ADAMTS6: variants seen among roughly 807,000 people sequenced by gnomAD.
The protein encoded by ADAMTS6 is A disintegrin and metalloproteinase with thrombospondin motifs 6.
A neutral mutation model predicts 144.3 loss-of-function variants in ADAMTS6; 23 were observed. The ratio of observed to expected loss-of-function variants is 0.16; its 90% CI spans 0.11 to 0.23. ADAMTS6 has a LOEUF of 0.23. Among genes scored for constraint, ADAMTS6 ranks in the 10% least tolerant of loss-of-function variants. The probability of loss-of-function intolerance (pLI) is 1.00; values close to 1 mark genes in which losing one functional copy is unlikely to be tolerated. For missense variants in ADAMTS6, 999 were observed against 1,379.6 expected (o/e 0.72, Z 4.37); for synonymous variants, 444 against 457.5 (o/e 0.97, Z 0.38).
At chr5:65,301,517 T>A (rs1384230842) in intron 9 of ADAMTS6, among the ~76,000 whole-genome samples, 1 of 152,108 alleles carries the variant, frequency 6.6e-6, no homozygotes, top group Non-Finnish European at 1.5e-5. Flanking sequence ...AGGGAAGACT[T>A]GTAAGTAAGA....
At chr5:65,408,268 G>C (rs1394258377) in intron 7 of ADAMTS6, among the ~76,000 whole-genome samples, 2 of 152,038 alleles carry the variant, frequency 1.3e-5, no homozygotes, top group Non-Finnish European at 2.9e-5. Flanking sequence ...TACGTGCAGA[G>C]ACACACATAG....
chr5:65,349,362 T>A (rs1748633640), intron 7 of ADAMTS6, among the ~76,000 whole-genome samples: 1 of 152,000 alleles, frequency 6.6e-6, no homozygotes, highest in Non-Finnish European at 1.5e-5. Context: ...ATGAAAGAGC[T>A]ACTCTATAAA....
At chr5:65,322,439 C>T (rs1308809043) in intron 9 of ADAMTS6, among the ~76,000 whole-genome samples, 1 of 152,116 alleles carries the variant, frequency 6.6e-6, no homozygotes, top group African/African-American at 2.4e-5. Context: ...GGGAAAAGCA[C>T]TGAATCTGTA....
Position 65,215,360 on chromosome 5 carries a change from T to A in ADAMTS6, c.2400A>T (p.Glu800Asp). Reference sequence around the variant, plus strand: ...GATTTTCTGAGGTAGGACCTAGAGCTTCCAAGGATTCTGGTTCATCAGTTG... The same window carrying A: ...GATTTTCTGAGGTAGGACCTAGAGCATCCAAGGATTCTGGTTCATCAGTTG... Reference protein sequence around the residue: ...KRPTDEPESLEALGPTSENLI... With the variant: ...KRPTDEPESLDALGPTSENLI... The change falls in exon 19 of 25, where the codon GAA (glutamate) becomes GAT (aspartate). Residue 800 changes from glutamate to aspartate, a missense_variant. Around this residue, in one of 3 missense-constraint regions of ADAMTS6, gnomAD observed 619 missense variants for 837.0 expected, o/e 0.74. Transcript: ENST00000381055. The A allele has an allele frequency of 6.2e-7, 1 of 1,614,080 alleles. No homozygotes were observed. The highest frequency in any genetic ancestry group is 1.7e-5 in the Admixed American group (1 of 60,032).
chr5:65,224,217 A>G lies in ADAMTS6; in HGVS notation c.2272+103T>C, dbSNP rs1757548230. Reference sequence around the variant, plus strand: ...AGAGCTTACTTCATTTTAGCATGAAAGTGATCTACCTCAAAGAAGCATGCC... The same window carrying G: ...AGAGCTTACTTCATTTTAGCATGAAGGTGATCTACCTCAAAGAAGCATGCC... On this transcript the variant is annotated intron_variant, in intron 18 of 24. Transcript: ENST00000381055. 6.6e-6 allele frequency: 6 copies of G among 913,450 alleles called. No homozygotes were observed. The East Asian group carries it at 1.2e-4, about 19-fold the overall frequency. The allele number at this position is 913,450 out of a possible 1,614,324, so 56.6% of individuals were successfully genotyped here. A position where few individuals can be genotyped will look rare whatever the true frequency, so the allele number is the denominator to read the frequency against.
At chr5:65,209,928 T>C (rs1406899279) in intron 20 of ADAMTS6, 1 of 153,838 alleles carries the variant, frequency 6.5e-6, no homozygotes, top group Non-Finnish European at 1.4e-5. Context: ...AGACAATAAA[T>C]AAATAAAAAA....
chr5:65,470,973 A>C lies in ADAMTS6; in HGVS notation c.267T>G (p.Leu89=). 8 of 1,613,002 alleles carry C rather than the reference A, an allele frequency of 5.0e-6. No homozygotes were observed. The highest frequency in any genetic ancestry group is 6.8e-6 in the Non-Finnish European group (8 of 1,179,556). ...GATGAAAGTGCTTGCCATAGGCTGA[A>C]AGTTTAAAAAATAACTTAGATACTG... ...QQAVSKLFFK[L]SAYGKHFHLN... Residue 89 remains leucine (L), a synonymous_variant, in exon 3 of 25, where the codon CTT becomes CTG. Coordinates refer to ENST00000381055, the MANE Select transcript of ADAMTS6 (RefSeq NM_197941.4).
At chr5:65,458,291 G>A (rs538200946) in intron 4 of ADAMTS6, among the ~76,000 whole-genome samples, 214 of 152,292 alleles carry the variant, frequency 1.4e-3, no homozygotes, top group Non-Finnish European at 1.8e-3. Context: ...AAAGTGTGCA[G>A]AATGGGAAAA....
At chr5:65,337,053 C>T (rs1294433202) in intron 7 of ADAMTS6, among the ~76,000 whole-genome samples, 4 of 152,092 alleles carry the variant, frequency 2.6e-5, no homozygotes, top group South Asian at 4.1e-4. Context: ...TTAAAAAGTA[C>T]ACCATCTTAT....
intron 7 of ADAMTS6, among the ~76,000 whole-genome samples, chr5:65,408,261 G>A (rs537822473): frequency 7.2e-5 from 11 of 152,138 alleles, no homozygotes; most frequent in South Asian, 2.1e-4. Context: ...CCCATGTTAC[G>A]TGCAGAGACA....
At chr5:65,361,036 G>T (rs1277876655) in intron 7 of ADAMTS6, among the ~76,000 whole-genome samples, 1 of 152,054 alleles carries the variant, frequency 6.6e-6, no homozygotes, top group Admixed American at 6.6e-5. Context: ...TGTCAATAAA[G>T]ATTATAATGG....
At chr5:65,460,371 G>A (rs373050570) in intron 3 of ADAMTS6, 33 bp from the exon 4 acceptor site, 79 of 1,540,096 alleles carry the variant, frequency 5.1e-5, no homozygotes, top group Non-Finnish European at 6.8e-5. Flanking sequence ...ACTTACCAAA[G>A]AGAATCATTT....
At chr5:65,291,968 A>C (rs1001570471) in intron 10 of ADAMTS6, among the ~76,000 whole-genome samples, 1 of 152,176 alleles carries the variant, frequency 6.6e-6, no homozygotes, top group African/African-American at 2.4e-5. Flanking sequence ...TCACTAATAA[A>C]TGGGTTGAAT....
intron 3 of ADAMTS6, among the ~76,000 whole-genome samples, chr5:65,462,944 G>A (rs1255157048): frequency 6.6e-6 from 1 of 152,000 alleles, no homozygotes; most frequent in African/African-American, 2.4e-5. Context: ...GCCAGGCATG[G>A]TGGCACACGC....
intron 20 of ADAMTS6, among the ~76,000 whole-genome samples, chr5:65,201,434 A>C (rs1205022493): frequency 1.3e-5 from 2 of 152,228 alleles, no homozygotes; most frequent in African/African-American, 2.4e-5. Flanking sequence ...TCTTAAAAGT[A>C]GAAAGAAGGC....
chr5:65,184,451 G>A (rs1754545189), intron 22 of ADAMTS6, among the ~76,000 whole-genome samples: 1 of 152,206 alleles, frequency 6.6e-6, no homozygotes, highest in Admixed American at 6.5e-5. Flanking sequence ...TCTTCCGTAA[G>A]TAATGCTATC....
rs1755806720 is a variant in ADAMTS6 at position 65,419,193 on chromosome 5, C to A, written c.1073+32282G>T. Among the ~76,000 whole-genome samples, 3 of 152,182 alleles carry A rather than the reference C, an allele frequency of 2.0e-5. No homozygotes were observed. The South Asian group carries it at 6.2e-4, about 32-fold the overall frequency. The stretch of plus-strand genomic sequence containing the variant: ...GGATAAAGAAAATGTGGTAAATATA[C>A]ACTATGGGATACTACATGGCCATAA... On this transcript the variant is annotated intron_variant, in intron 7 of 24. Transcript: ENST00000381055.
intron 11 of ADAMTS6, among the ~76,000 whole-genome samples, chr5:65,279,462 G>T (rs1036382075): frequency 2.0e-5 from 3 of 151,790 alleles, no homozygotes; most frequent in African/African-American, 7.3e-5. Context: ...GATTACAGGC[G>T]CCTGCCACCA....
chr5:65,325,334 C>A (rs1262006961), intron 9 of ADAMTS6, among the ~76,000 whole-genome samples: 3 of 151,992 alleles, frequency 2.0e-5, no homozygotes. Context: ...TATGGGAAAG[C>A]AAACTATTCT....
Sources: allele counts gnomAD v4.1 joint callset (sites outside exome capture counted in the v4.1 genomes callset), GRCh38; gene constraint gnomAD v4.1.1; regional missense constraint gnomAD v4.1.1; transcripts MANE v1.5; gene names NCBI Gene and HGNC (gene_info 2026-07-23, HGNC 2026-07-21).